Variants in CADPS2 observed in about 807,000 individuals in gnomAD.
CADPS2 encodes calcium dependent secretion activator 2.
In CADPS2, 93 loss-of-function variants were observed where a neutral mutation model predicts 172.5. The ratio of observed to expected loss-of-function variants is 0.54; its 90% confidence interval spans 0.46 to 0.64. CADPS2 has a LOEUF of 0.64. Ranked by LOEUF, CADPS2 falls within the 30% of genes least tolerant of loss-of-function variation. CADPS2 has a pLI of 0.00. For missense variants in CADPS2, 1,420 were observed against 1,565.9 expected (o/e 0.91, Z 1.57); for synonymous variants, 546 against 555.2 (o/e 0.98, Z 0.23).
chr7:122,850,830 G>A (rs567196163), intron 1 of CADPS2, among the ~76,000 whole-genome samples: 1 of 152,182 alleles, frequency 6.6e-6, no homozygotes, highest in East Asian at 1.9e-4. Flanking sequence ...CTATGGCACT[G>A]GCATTGTCCC....
At chr7:122,387,332 C>G (rs144898246) in intron 23 of CADPS2, among the ~76,000 whole-genome samples, 159 bp from the exon 24 acceptor site, 2,545 of 152,070 alleles carry the variant, frequency 0.017, 32 homozygotes, top group Admixed American at 0.027. Flanking sequence ...GGATGCTTTT[C>G]TTTTCAAGTG....
intron 19 of CADPS2, among the ~76,000 whole-genome samples, chr7:122,413,641 C>T (rs561736374): frequency 5.3e-5 from 8 of 152,316 alleles, no homozygotes; most frequent in African/African-American, 1.4e-4. Flanking sequence ...AGCAAAGGAA[C>T]TCTAGCTTGA....
At chr7:122,750,723 T>C (rs965938556) in intron 1 of CADPS2, among the ~76,000 whole-genome samples, 8 of 152,234 alleles carry the variant, frequency 5.3e-5, no homozygotes, top group African/African-American at 1.9e-4. Context: ...AGCCAGCTAA[T>C]TACAATCCCC....
At chr7:122,662,372 CTGCTTT>C (rs1201776501) in intron 3 of CADPS2, among the ~76,000 whole-genome samples, 1 of 117,242 alleles carries the variant, frequency 8.5e-6, no homozygotes, top group Non-Finnish European at 1.7e-5. Flanking sequence ...ACCTCCTTCC[CTGCTTT>C]TTTTTTTTTT....
In CADPS2 at chr7:122,771,390, G is replaced by C. The variant is rs1589107699; in HGVS notation, c.340-34322C>G. 2.6e-5 allele frequency among the ~76,000 whole-genome samples: 4 copies of C among 152,178 alleles called. No homozygotes were observed. In the East Asian group the frequency reaches 7.7e-4, roughly 29 times the overall value. On this transcript the variant is annotated intron_variant, in intron 1 of 29. Coordinates refer to ENST00000449022, the MANE Select transcript of CADPS2 (RefSeq NM_017954.11). ...GGTTACTACTATAATGAAGACAATG[G>C]GTGCTACTATAATTTGGCTATGGGT...
chr7:122,838,178 C>T (rs946361717), intron 1 of CADPS2, among the ~76,000 whole-genome samples: 1 of 152,136 alleles, frequency 6.6e-6, no homozygotes, highest in Non-Finnish European at 1.5e-5. Flanking sequence ...AAGACAAAAA[C>T]CACATGATTA....
intron 6 of CADPS2, among the ~76,000 whole-genome samples, chr7:122,608,477 C>T (rs2073880758): frequency 6.6e-6 from 1 of 152,118 alleles, no homozygotes; most frequent in Non-Finnish European, 1.5e-5. Flanking sequence ...CTGCAATGTT[C>T]TTTCAATAGT....
intron 2 of CADPS2, chr7:122,697,766 C>G: frequency 4.5e-6 from 7 of 1,538,850 alleles, no homozygotes; most frequent in Non-Finnish European, 6.1e-6. Flanking sequence ...AGGTTTAATA[C>G]ACTTCCTCAA....
Position 122,762,029 on chromosome 7 carries a change from TACACACACACAC to T in CADPS2, c.340-24973_340-24962del, listed in dbSNP as rs55789434. Among the ~76,000 whole-genome samples the T allele has an allele frequency of 6.4e-4, 80 of 124,262 alleles. No individual in the cohort carries two copies. The Middle Eastern group carries it at 0.012, about 18-fold the overall frequency. The allele number at this position is 124,262 out of a possible 152,430, so 81.5% of individuals were successfully genotyped here. A position where few individuals can be genotyped will look rare whatever the true frequency, so the allele number is the denominator to read the frequency against. ...AAAAAAAAAAATATATATATATATATACACACACACACACACACACACACACACGTATATTTA... is the reference window on the plus strand; with the variant it reads ...AAAAAAAAAAATATATATATATATATACACACACACACACACGTATATTTA... On this transcript the variant is annotated intron_variant, in intron 1 of 29. Coordinates refer to ENST00000449022, the MANE Select transcript of CADPS2 (RefSeq NM_017954.11).
intron 6 of CADPS2, among the ~76,000 whole-genome samples, chr7:122,584,363 C>T (rs2069319246): frequency 6.6e-6 from 1 of 151,944 alleles, no homozygotes; most frequent in Non-Finnish European, 1.5e-5. Context: ...TTTATTTCAT[C>T]TAAGTTTTTC....
intron 5 of CADPS2, 110 bp downstream of exon 5, chr7:122,621,371 A>G (rs1474353324): frequency 1.4e-6 from 1 of 728,300 alleles, no homozygotes; most frequent in Non-Finnish European, 2.3e-6. Flanking sequence ...TAACATCTCC[A>G]ACATATATTA....
intron 27 of CADPS2, among the ~76,000 whole-genome samples, chr7:122,353,192 C>G (rs2038916564): frequency 6.6e-6 from 1 of 152,192 alleles, no homozygotes; most frequent in South Asian, 2.1e-4. Flanking sequence ...TGGAAGCCCA[C>G]AGATCAAACA....
At chr7:122,549,427 C>T (rs201484787) in intron 8 of CADPS2, among the ~76,000 whole-genome samples, 1 of 152,024 alleles carries the variant, frequency 6.6e-6, no homozygotes, top group Admixed American at 6.6e-5. Context: ...CCATCGCACT[C>T]AAGACATTCG....
chr7:122,505,352 CAATT>C (rs984986112), intron 9 of CADPS2, among the ~76,000 whole-genome samples: 12 of 152,050 alleles, frequency 7.9e-5, no homozygotes, highest in African/African-American at 2.7e-4. Context: ...TTAAATGAGA[CAATT>C]ATTTTTTAAA....
At chr7:122,677,698 T>C (rs2082531700) in intron 2 of CADPS2, among the ~76,000 whole-genome samples, 1 of 152,060 alleles carries the variant, frequency 6.6e-6, no homozygotes, top group African/African-American at 2.4e-5. Context: ...TAAAGAGACA[T>C]GGCCAAGATC....
chr7:122,847,657 C>A lies in CADPS2; in HGVS notation c.339+38342G>T, dbSNP rs561198646. ...TATGGGAAAGATACTAAGCTTATGG[C>A]GTGGGAAAACTTAGATTTTCCAAAG... On this transcript the variant is annotated intron_variant, in intron 1 of 29. Transcript: ENST00000449022. Among the ~76,000 whole-genome samples, 52 of 151,994 alleles carry A rather than the reference C, an allele frequency of 3.4e-4. 2 individuals are homozygous for A. In the South Asian group the frequency reaches 0.01, roughly 30 times the overall value.
In CADPS2 at chr7:122,343,289, A is replaced by C. The variant is rs577602741; in HGVS notation, c.3612+2285T>G. On this transcript the variant is annotated intron_variant, in intron 28 of 29. Coordinates refer to ENST00000449022, the MANE Select transcript of CADPS2 (RefSeq NM_017954.11). Reference sequence around the variant, plus strand: ...GTTCTACCGGGGATATTCAAAATACAAAACCTTCACAACCAAAACAGAATG... The same window carrying C: ...GTTCTACCGGGGATATTCAAAATACCAAACCTTCACAACCAAAACAGAATG... 2.0e-5 allele frequency among the ~76,000 whole-genome samples: 3 copies of C among 152,330 alleles called. No homozygotes were observed. In the South Asian group the frequency reaches 6.2e-4, roughly 32 times the overall value.
intron 3 of CADPS2, among the ~76,000 whole-genome samples, chr7:122,656,933 T>C (rs1430487592): frequency 6.6e-6 from 1 of 152,250 alleles, no homozygotes; most frequent in Non-Finnish European, 1.5e-5. Flanking sequence ...AGGGTTTTTA[T>C]GGTTTTAGGT....
intron 2 of CADPS2, among the ~76,000 whole-genome samples, chr7:122,664,710 C>A (rs2080993957): frequency 6.6e-6 from 1 of 152,180 alleles, no homozygotes; most frequent in Non-Finnish European, 1.5e-5. Flanking sequence ...CCCAGAAAAG[C>A]CTGCAGGACA....
Sources: gnomAD v4.1 joint callset for allele counts (sites outside exome capture counted in the v4.1 genomes callset) on GRCh38, gnomAD v4.1.1 for gene constraint, MANE v1.5 for transcripts, NCBI Gene and HGNC (gene_info 2026-07-23, HGNC 2026-07-21) for gene names.